Variants in SLC23A2 observed in about 807,000 individuals in gnomAD.
The protein encoded by SLC23A2 is Na(+)/L-ascorbic acid transporter 2.
SLC23A2 carries 36 observed loss-of-function variants against 73.3 expected under a neutral mutation model. That is an observed-to-expected ratio of 0.49 (90% CI 0.38 to 0.65). The LOEUF (loss-of-function observed/expected upper bound fraction) is 0.65, where lower values mean the gene tolerates loss of function less well. SLC23A2 is among the 30% of genes least tolerant of loss of function. The probability of loss-of-function intolerance (pLI) is 0.00; values close to 1 mark genes in which losing one functional copy is unlikely to be tolerated. For missense variants in SLC23A2, 507 were observed against 841.6 expected (o/e 0.60, Z 4.92); for synonymous variants, 343 against 327.3 (o/e 1.05, Z -0.52).
intron 2 of SLC23A2, among the ~76,000 whole-genome samples, chr20:4,960,468 G>C (rs915890886): frequency 3.3e-5 from 5 of 152,184 alleles, no homozygotes; most frequent in African/African-American, 9.7e-5. Context: ...GCTATGTCAA[G>C]AGGAGAATAT....
chr20:4,896,406 A>C (rs1409714331), intron 6 of SLC23A2, among the ~76,000 whole-genome samples: 1 of 152,136 alleles, frequency 6.6e-6, no homozygotes, highest in Non-Finnish European at 1.5e-5. Flanking sequence ...ACAGCACTGC[A>C]GGCTCAGATT....
At chr20:4,861,922 C>T in intron 15 of SLC23A2, 26 bp downstream of exon 15, 1 of 1,611,638 alleles carries the variant, frequency 6.2e-7, no homozygotes, top group Non-Finnish European at 8.5e-7. Flanking sequence ...AGCTCCCACT[C>T]CAAGATGTAA....
chr20:4,987,525 T>C (rs952513799), intron 1 of SLC23A2, among the ~76,000 whole-genome samples: 3 of 152,220 alleles, frequency 2.0e-5, no homozygotes, highest in East Asian at 1.9e-4. Context: ...GCAGGGTCAA[T>C]GTCAAGATGC....
intron 2 of SLC23A2, among the ~76,000 whole-genome samples, chr20:4,948,026 C>G (rs2087143635): frequency 6.6e-6 from 1 of 152,184 alleles, no homozygotes; most frequent in South Asian, 2.1e-4. Flanking sequence ...GATGCCTGCT[C>G]CATCCTCTTT....
At chr20:4,944,694 C>T (rs958697548) in intron 2 of SLC23A2, among the ~76,000 whole-genome samples, 1 of 152,164 alleles carries the variant, frequency 6.6e-6, no homozygotes, top group Non-Finnish European at 1.5e-5. Flanking sequence ...AGAAGGAGTG[C>T]CCTCTGGGAT....
intron 9 of SLC23A2, among the ~76,000 whole-genome samples, chr20:4,875,959 G>A (rs1930638114): frequency 6.6e-6 from 1 of 152,178 alleles, no homozygotes; most frequent in African/African-American, 2.4e-5. Context: ...GTGGATGGCA[G>A]CCCGGCTGGA....
In SLC23A2 at chr20:4,965,316, G is replaced by A. The variant is rs956227545; in HGVS notation, c.-155+5477C>T. 2.0e-5 allele frequency among the ~76,000 whole-genome samples: 3 copies of A among 152,022 alleles called. No homozygotes were observed. The East Asian group carries it at 5.8e-4, about 29-fold the overall frequency. Reference sequence around the variant, plus strand: ...TACTCGGTAAACCTACTGTGTTCAGGGGTTCCTGATTTTCCTTAAATCCTT... The same window carrying A: ...TACTCGGTAAACCTACTGTGTTCAGAGGTTCCTGATTTTCCTTAAATCCTT... On this transcript the variant is annotated intron_variant, in intron 2 of 16. Transcript: ENST00000338244.
At chr20:4,967,860 T>G (rs2087498722) in intron 2 of SLC23A2, among the ~76,000 whole-genome samples, 1 of 152,300 alleles carries the variant, frequency 6.6e-6, no homozygotes, top group Non-Finnish European at 1.5e-5. Flanking sequence ...CCAAGCAGAA[T>G]GGGTGTTCTC....
At position 4,984,350 on chromosome 20, in the gene SLC23A2, C is replaced by T. The variant is rs543587005; in HGVS notation, c.-281-13431G>A. Among the ~76,000 whole-genome samples, 10 of 152,056 alleles carry T rather than the reference C, an allele frequency of 6.6e-5. No homozygotes were observed. In the South Asian group the frequency reaches 8.3e-4, roughly 13 times the overall value. On this transcript the variant is annotated intron_variant, in intron 1 of 16. Coordinates refer to ENST00000338244, the MANE Select transcript of SLC23A2 (RefSeq NM_005116.6). ...CGGGTGGATCACAAGGTCAGGAGAT[C>T]GAGACCATCCTGGCTAACACAGTGA...
chr20:4,898,757 A>T (rs1046714367), intron 6 of SLC23A2, among the ~76,000 whole-genome samples: 1 of 152,250 alleles, frequency 6.6e-6, no homozygotes, highest in African/African-American at 2.4e-5. Context: ...GAAGTGAACA[A>T]GCCAAAGCCC....
chr20:4,875,114 G>A (rs1930604612), intron 9 of SLC23A2, among the ~76,000 whole-genome samples: 1 of 152,186 alleles, frequency 6.6e-6, no homozygotes, highest in Non-Finnish European at 1.5e-5. Flanking sequence ...ACTACTGCAC[G>A]TACACACAAA....
chr20:4,990,302 T>TGAGGCTGGGAGCTGGAGGC (rs2087904688), intron 1 of SLC23A2, among the ~76,000 whole-genome samples: 1 of 152,166 alleles, frequency 6.6e-6, no homozygotes, highest in Non-Finnish European at 1.5e-5. Flanking sequence ...GAGGATTACT[T>TGAGGCTGGGAGCTGGAGGC]GAGGCTGGGA....
intron 1 of SLC23A2, among the ~76,000 whole-genome samples, chr20:4,980,287 C>A (rs76835352): frequency 0.011 from 1,745 of 152,166 alleles, 31 homozygotes; most frequent in East Asian, 0.049. Context: ...AGGTACAATG[C>A]TGTTCACCAC....
chr20:4,900,684 G>A (rs1056289288), intron 5 of SLC23A2, among the ~76,000 whole-genome samples: 1 of 152,148 alleles, frequency 6.6e-6, no homozygotes, highest in African/African-American at 2.4e-5. Flanking sequence ...GGTTAAGGGC[G>A]TACAGTAGCC....
chr20:4,941,750 GTTC>G (rs1168843956), intron 2 of SLC23A2, among the ~76,000 whole-genome samples: 1 of 150,584 alleles, frequency 6.6e-6, no homozygotes, highest in Non-Finnish European at 1.5e-5. Context: ...CGTGTTAAAT[GTTC>G]TTATCATAAT....
rs1046039715 is a variant in SLC23A2 at position 4,964,145 on chromosome 20, T to C, written c.-155+6648A>G. On this transcript the variant is annotated intron_variant, in intron 2 of 16. Transcript: ENST00000338244. ...ACCTCAGCCTCCCAAGTAGCTGGGA[T>C]TGTAGGCACATACTAATTTTTCTAT... Among the ~76,000 whole-genome samples, 8 of 151,930 alleles carry C rather than the reference T, an allele frequency of 5.3e-5. No homozygotes were observed. The East Asian group carries it at 1.6e-3, about 30-fold the overall frequency.
At chr20:4,951,680 G>T (rs1346631206) in intron 2 of SLC23A2, among the ~76,000 whole-genome samples, 1 of 152,176 alleles carries the variant, frequency 6.6e-6, no homozygotes, top group African/African-American at 2.4e-5. Context: ...ATGAAAAAAA[G>T]TGCTAAAATT....
rs1195012467 is a variant in SLC23A2, at chr20:4,899,149, A to C, written c.482+406T>G. Among the ~76,000 whole-genome samples the C allele has an allele frequency of 6.6e-6, 1 of 152,164 alleles. No individual in the cohort carries two copies. The highest frequency in any genetic ancestry group is 1.5e-5 in the Non-Finnish European group (1 of 68,020). On this transcript the variant is annotated intron_variant, in intron 6 of 16. Coordinates refer to ENST00000338244, the MANE Select transcript of SLC23A2 (RefSeq NM_005116.6). This position sits in a 1 kb window ranked among gnomAD's most constrained non-coding sequence, Gnocchi z 4.9. ...CACCCTGAGGAGGGTGTGGAAGTAG[A>C]AAGATGGCACTGGGTGTGGGGCACA...
At chr20:4,917,340 G>A (rs58212533) in intron 3 of SLC23A2, among the ~76,000 whole-genome samples, 8,581 of 152,266 alleles carry the variant, frequency 0.056, 468 homozygotes, top group African/African-American at 0.14. Flanking sequence ...AGCTTCAGGA[G>A]AGAGCAATGA....
Sources: gnomAD v4.1 joint callset for allele counts (sites outside exome capture counted in the v4.1 genomes callset) on GRCh38, gnomAD v4.1.1 for gene constraint, Gnocchi (gnomAD v3.1) non-coding constraint, MANE v1.5 for transcripts, NCBI Gene and HGNC (gene_info 2026-07-23, HGNC 2026-07-21) for gene names.